PARD3: variants seen among roughly 807,000 people sequenced by gnomAD.
PARD3 encodes the protein partitioning defective 3 homolog.
Under a neutral mutation model 155.4 loss-of-function variants are expected in PARD3, and 75 were observed. The ratio of observed to expected loss-of-function variants is 0.48; its 90% CI spans 0.40 to 0.58. PARD3 has a LOEUF of 0.58. PARD3 is among the 20% of genes least tolerant of loss of function. The pLI, the probability that PARD3 is intolerant of heterozygous loss-of-function variation, is 0.00. For synonymous variants in PARD3, 576 were observed against 610.5 expected (o/e 0.94, Z 0.83); for missense variants, 1,642 against 1,721.7 (o/e 0.95, Z 0.82).
chr10:34,585,695 T>A (rs1194350477), intron 2 of PARD3, among the ~76,000 whole-genome samples: 1 of 151,978 alleles, frequency 6.6e-6, no homozygotes, highest in African/African-American at 2.4e-5. Flanking sequence ...GCACTGCTTA[T>A]AGTCTTGAAG....
chr10:34,327,489 G>A (rs887044099), intron 19 of PARD3, among the ~76,000 whole-genome samples: 3 of 152,188 alleles, frequency 2.0e-5, no homozygotes, highest in Non-Finnish European at 2.9e-5. Flanking sequence ...TCAGTGCCAT[G>A]AATATAGTCA....
chr10:34,718,679 T>C (rs1025192438), intron 1 of PARD3, among the ~76,000 whole-genome samples: 2 of 140,560 alleles, frequency 1.4e-5, no homozygotes, highest in Admixed American at 7.2e-5. Context: ...TAAAAATAAA[T>C]TGGCCGGGCA....
At chr10:34,337,128 A>C in intron 17 of PARD3, 147 bp downstream of exon 17, 1 of 492,108 alleles carries the variant, frequency 2.0e-6, no homozygotes, top group Non-Finnish European at 3.5e-6. Flanking sequence ...TCAAACTGGG[A>C]GAAAAACTAA....
At chr10:34,289,733 T>C (rs1265024605) in intron 20 of PARD3, among the ~76,000 whole-genome samples, 45 of 152,182 alleles carry the variant, frequency 3.0e-4, no homozygotes. Context: ...GCTTTCTTCA[T>C]AAAGGACACA....
chr10:34,438,214 A>C (rs1314035133), intron 5 of PARD3, among the ~76,000 whole-genome samples: 1 of 152,224 alleles, frequency 6.6e-6, no homozygotes, highest in Non-Finnish European at 1.5e-5. Context: ...CAAACGATTA[A>C]ACTTATGCAC....
rs1223965076 is a variant in PARD3 at position 34,399,416 on chromosome 10, G to A, written c.807-3C>T. ...CTTCTACGAGCTTTACCATATCACT[G>A]TGAGACAATGATGAATGAGGGAGCA... On this transcript the variant is annotated splice_polypyrimidine_tract_variant and splice_region_variant and intron_variant, in intron 6 of 24. Coordinates refer to ENST00000374788, the MANE Select transcript of PARD3 (RefSeq NM_001184785.2). 1 of 1,595,086 alleles carries A rather than the reference G, an allele frequency of 6.3e-7. No homozygotes were observed. Among genetic ancestry groups the A allele is most frequent in the East Asian group, 2.2e-5 (1 of 44,768 alleles).
intron 1 of PARD3, among the ~76,000 whole-genome samples, chr10:34,812,733 A>G (rs905148306): frequency 5.3e-5 from 8 of 152,196 alleles, no homozygotes; most frequent in African/African-American, 1.9e-4. Context: ...TAAGTGTTGG[A>G]ACCCCTGACC....
chr10:34,781,692 CA>C (rs1345223524), intron 1 of PARD3, among the ~76,000 whole-genome samples: 6 of 152,118 alleles, frequency 3.9e-5, no homozygotes, highest in South Asian at 2.1e-4. Context: ...GAAAATAGAA[CA>C]AAAATTAATT....
At chr10:34,705,949 C>A (rs2094356135) in intron 1 of PARD3, among the ~76,000 whole-genome samples, 1 of 152,204 alleles carries the variant, frequency 6.6e-6, no homozygotes, top group South Asian at 2.1e-4. Flanking sequence ...CAGGGTCACA[C>A]ATTATTCAAT....
At chr10:34,349,142 C>T (rs182206419) in intron 14 of PARD3, among the ~76,000 whole-genome samples, 2 of 152,212 alleles carry the variant, frequency 1.3e-5, no homozygotes, top group East Asian at 1.9e-4. Context: ...CACAGCACAG[C>T]GGGAGAGAAG....
intron 1 of PARD3, among the ~76,000 whole-genome samples, chr10:34,793,378 G>A (rs1394928666): frequency 6.6e-6 from 1 of 152,160 alleles, no homozygotes; most frequent in Non-Finnish European, 1.5e-5. Flanking sequence ...AAAGAGAAGA[G>A]GGCAGGCTGG....
intron 1 of PARD3, among the ~76,000 whole-genome samples, chr10:34,712,887 A>T (rs1024778609): frequency 3.3e-5 from 5 of 152,146 alleles, no homozygotes; most frequent in Admixed American, 6.5e-5. Context: ...ACCCATTAAC[A>T]AACCTGCACA....
At chr10:34,559,168 T>C (rs1428877123) in intron 2 of PARD3, among the ~76,000 whole-genome samples, 2 of 152,156 alleles carry the variant, frequency 1.3e-5, no homozygotes, top group Non-Finnish European at 2.9e-5. Flanking sequence ...CTCAGCCTTA[T>C]ATCTTAGTTA....
intron 1 of PARD3, among the ~76,000 whole-genome samples, chr10:34,709,140 A>G (rs1056049833): frequency 2.0e-5 from 3 of 152,170 alleles, no homozygotes; most frequent in Admixed American, 6.5e-5. Flanking sequence ...GAATATTTAC[A>G]TGCACATGAG....
At chr10:34,172,901 T>C (rs991137897) in intron 22 of PARD3, among the ~76,000 whole-genome samples, 1 of 152,196 alleles carries the variant, frequency 6.6e-6, no homozygotes, top group South Asian at 2.1e-4. Flanking sequence ...TTATTACATA[T>C]GAACAATGAG....
At chr10:34,423,501 TATTACATGTCTTAATTAGCTCA>T (rs2075427452) in intron 5 of PARD3, among the ~76,000 whole-genome samples, 1 of 152,206 alleles carries the variant, frequency 6.6e-6, no homozygotes, top group East Asian at 1.9e-4. Flanking sequence ...GTACGTGAGG[TATTACATGTCTTAATTAGCTCA>T]ATTTAGCCAT....
chr10:34,237,905 A>C (rs1953339333), intron 22 of PARD3, among the ~76,000 whole-genome samples: 1 of 152,198 alleles, frequency 6.6e-6, no homozygotes, highest in South Asian at 2.1e-4. Context: ...AGGGTGGTCC[A>C]TGAATTTAGT....
intron 4 of PARD3, among the ~76,000 whole-genome samples, chr10:34,469,400 C>G (rs760947842): frequency 6.6e-6 from 1 of 152,156 alleles, no homozygotes; most frequent in African/African-American, 2.4e-5. Flanking sequence ...GGAGCCACCA[C>G]GCCCAGCCAA....
chr10:34,198,570 T>C (rs1951063234), intron 22 of PARD3, among the ~76,000 whole-genome samples: 1 of 152,066 alleles, frequency 6.6e-6, no homozygotes, highest in Non-Finnish European at 1.5e-5. Context: ...TATTATTTTT[T>C]CTTTATACTT....
Sources: gnomAD v4.1 joint callset for allele counts (sites outside exome capture counted in the v4.1 genomes callset) on GRCh38, gnomAD v4.1.1 for gene constraint, MANE v1.5 for transcripts, NCBI Gene and HGNC (gene_info 2026-07-23, HGNC 2026-07-21) for gene names.